The following ATE1 variants were observed in gnomAD, a reference collection of about 807,000 sequenced individuals.
ATE1 encodes arginyl-tRNA--protein transferase 1.
A neutral mutation model predicts 70.5 loss-of-function variants in ATE1; 36 were observed. The observed-to-expected ratio is 0.51, with a 90% CI of 0.39 to 0.67. The LOEUF (loss-of-function observed/expected upper bound fraction) is 0.67, where lower values mean the gene tolerates loss of function less well. ATE1 is among the 30% of genes least tolerant of loss of function. The probability of loss-of-function intolerance (pLI) is 0.00; values close to 1 mark genes in which losing one functional copy is unlikely to be tolerated. For missense variants in ATE1, 593 were observed against 629.5 expected (o/e 0.94, Z 0.62); for synonymous variants, 232 against 219.3 (o/e 1.06, Z -0.51).
chr10:121,872,510 A>ATT (rs894035248), intron 7 of ATE1, among the ~76,000 whole-genome samples: 1 of 151,234 alleles, frequency 6.6e-6, no homozygotes, highest in Non-Finnish European at 1.5e-5. Context: ...AGTAAAACCC[A>ATT]TTTTTTTTTA....
intron 10 of ATE1, among the ~76,000 whole-genome samples, chr10:121,794,648 C>T (rs1484254027): frequency 1.1e-5 from 1 of 87,466 alleles, no homozygotes; most frequent in Non-Finnish European, 2.2e-5. Flanking sequence ...AAGAGAATAC[C>T]AAGAATGTCT....
At chr10:121,821,981 AT>A (rs2133595380) in intron 10 of ATE1, among the ~76,000 whole-genome samples, 1 of 152,312 alleles carries the variant, frequency 6.6e-6, no homozygotes, top group South Asian at 2.1e-4. Context: ...TTTTTTAAAA[AT>A]TATGGGCAAT....
intron 5 of ATE1, among the ~76,000 whole-genome samples, chr10:121,904,512 A>C (rs1418968114): frequency 6.6e-6 from 1 of 151,344 alleles, no homozygotes; most frequent in Admixed American, 6.6e-5. Flanking sequence ...ATGGTGGCGC[A>C]CGCCTGTAGT....
At chr10:121,847,586 T>C (rs890389767) in intron 8 of ATE1, among the ~76,000 whole-genome samples, 4 of 148,044 alleles carry the variant, frequency 2.7e-5, no homozygotes, top group East Asian at 2.0e-4. Flanking sequence ...AGTGAAACCC[T>C]GTCTGTACTA....
Position 121,742,866 on chromosome 10 carries a change from T to C in ATE1, c.*814A>G, listed in dbSNP as rs962209870. The stretch of plus-strand genomic sequence containing the variant: ...AAGATAAAAAACTAGTGACTATTTA[T>C]TTCCTTTGGATGAGACTTAGATCAA... On this transcript the variant is annotated 3_prime_UTR_variant, in exon 12 of 12. Coordinates refer to ENST00000224652, the MANE Select transcript of ATE1 (RefSeq NM_001001976.3). The C allele has an allele frequency of 2.6e-5, 4 of 152,252 alleles. No individual in the cohort carries two copies. Among genetic ancestry groups the C allele is most frequent in the African/African-American group, 9.6e-5 (4 of 41,474 alleles). 9.4% of individuals were successfully genotyped at this position (152,252 alleles called of 1,614,324 possible).
At chr10:121,813,193 T>C (rs1425452875) in intron 10 of ATE1, among the ~76,000 whole-genome samples, 1 of 152,230 alleles carries the variant, frequency 6.6e-6, no homozygotes, top group Admixed American at 6.5e-5. Flanking sequence ...AACACTCTTC[T>C]GAATTCTGCA....
chr10:121,926,938 T>C (rs1952116072), intron 1 of ATE1: 13 of 985,452 alleles, frequency 1.3e-5, no homozygotes, highest in Non-Finnish European at 1.3e-5. Flanking sequence ...TAATAAACAC[T>C]TTTAATGAAG....
At chr10:121,881,367 T>C (rs906092008) in intron 7 of ATE1, among the ~76,000 whole-genome samples, 1 of 152,142 alleles carries the variant, frequency 6.6e-6, no homozygotes, top group African/African-American at 2.4e-5. Flanking sequence ...AGTACCCCAA[T>C]ATAGCTAACT....
intron 10 of ATE1, among the ~76,000 whole-genome samples, chr10:121,835,006 T>A (rs897035737): frequency 1.3e-5 from 2 of 152,156 alleles, no homozygotes; most frequent in African/African-American, 4.8e-5. Context: ...CTGAACTAAT[T>A]TAGATCTAGT....
rs1172548912 is a variant in ATE1 at position 121,740,775 on chromosome 10, T to C, written c.*2905A>G. ...AATAGATTCTGACACGTTAAGAAAC[T>C]ACACACAACAAATATTTGCAAAATG... is the stretch of plus-strand genomic sequence containing the variant. On this transcript the variant is annotated 3_prime_UTR_variant, in exon 12 of 12. Transcript: ENST00000224652. The C allele has an allele frequency of 6.6e-6, 1 of 152,126 alleles. No homozygotes were observed. The highest frequency in any genetic ancestry group is 6.5e-5 in the Admixed American group (1 of 15,270). The allele number at this position is 152,126 out of a possible 1,614,324, so 9.4% of individuals were successfully genotyped here. A position where few individuals can be genotyped will look rare whatever the true frequency, so the allele number is the denominator to read the frequency against.
chr10:121,895,924 CAA>C (rs529211208), intron 7 of ATE1, among the ~76,000 whole-genome samples: 2 of 127,320 alleles, frequency 1.6e-5, no homozygotes, highest in African/African-American at 6.0e-5. Context: ...CTCCCCCCAC[CAA>C]AAAAAAAAAA....
chr10:121,745,888 A>G (rs1252183342), intron 11 of ATE1, among the ~76,000 whole-genome samples: 1 of 152,330 alleles, frequency 6.6e-6, no homozygotes, highest in East Asian at 1.9e-4. Flanking sequence ...ATATCCACAG[A>G]ATGAAATGTT....
intron 11 of ATE1, among the ~76,000 whole-genome samples, chr10:121,751,166 A>G (rs1308329119): frequency 6.6e-6 from 1 of 152,246 alleles, no homozygotes; most frequent in East Asian, 1.9e-4. Flanking sequence ...CATATTCTAT[A>G]AAGTAATACT....
At chr10:121,788,293 G>A (rs960369258) in intron 11 of ATE1, among the ~76,000 whole-genome samples, 7 of 152,158 alleles carry the variant, frequency 4.6e-5, no homozygotes, top group South Asian at 2.1e-4. Flanking sequence ...AGAATGAAAC[G>A]ATCAGACGCT....
intron 7 of ATE1, among the ~76,000 whole-genome samples, chr10:121,880,225 A>T (rs1392688009): frequency 6.6e-6 from 1 of 152,218 alleles, no homozygotes; most frequent in African/African-American, 2.4e-5. Flanking sequence ...TACCAGACCA[A>T]CTAATGTAAA....
At chr10:121,898,783 T>C (rs1950869250) in intron 7 of ATE1, 2 of 1,575,664 alleles carry the variant, frequency 1.3e-6, no homozygotes, top group Middle Eastern at 1.7e-4. Flanking sequence ...GAAAATGGTA[T>C]ATATTATACT....
At chr10:121,786,575 G>A (rs191189679) in intron 11 of ATE1, among the ~76,000 whole-genome samples, 9 of 151,894 alleles carry the variant, frequency 5.9e-5, no homozygotes, top group African/African-American at 1.5e-4. Flanking sequence ...AGACTGAGGC[G>A]GGAGGATCGT....
At chr10:121,785,922 C>G (rs1001356076) in intron 11 of ATE1, among the ~76,000 whole-genome samples, 1 of 152,108 alleles carries the variant, frequency 6.6e-6, no homozygotes, top group Non-Finnish European at 1.5e-5. Flanking sequence ...GTAAACTACT[C>G]TGGTAAAATA....
At chr10:121,914,358 C>T (rs1951558797) in intron 3 of ATE1, among the ~76,000 whole-genome samples, 2 of 146,512 alleles carry the variant, frequency 1.4e-5, no homozygotes, top group Admixed American at 6.8e-5. Flanking sequence ...AGCCACCATT[C>T]CCAGCAAGAG....
Sources: gnomAD v4.1 joint callset for allele counts (sites outside exome capture counted in the v4.1 genomes callset) on GRCh38, gnomAD v4.1.1 for gene constraint, MANE v1.5 for transcripts, NCBI Gene and HGNC (gene_info 2026-07-23, HGNC 2026-07-21) for gene names.